The following ASXL1 variants were observed in gnomAD, a reference collection of about 807,000 sequenced individuals.
ASXL1 encodes the protein ASXL transcriptional regulator 1.
A neutral mutation model predicts 89.1 loss-of-function variants in ASXL1; 65 were observed. The observed-to-expected ratio is 0.73, with a 90% confidence interval of 0.60 to 0.90. ASXL1 has a LOEUF of 0.90. ASXL1 is among the 40% of genes least tolerant of loss of function. The probability of loss-of-function intolerance (pLI) is 0.00; values close to 1 mark genes in which losing one functional copy is unlikely to be tolerated. For synonymous variants in ASXL1, 739 were observed against 746.9 expected (o/e 0.99, Z 0.17); for missense variants, 1,786 against 1,942.9 (o/e 0.92, Z 1.52).
At chr20:32,383,810 A>G (rs1317760000) in intron 4 of ASXL1, among the ~76,000 whole-genome samples, 1 of 152,234 alleles carries the variant, frequency 6.6e-6, no homozygotes, top group Non-Finnish European at 1.5e-5. Context: ...ATGGAACTGC[A>G]GAATATAAGT....
At chr20:32,413,367 A>G (rs1051015303) in intron 4 of ASXL1, among the ~76,000 whole-genome samples, 5 of 152,152 alleles carry the variant, frequency 3.3e-5, no homozygotes, top group Non-Finnish European at 7.3e-5. Flanking sequence ...TACTCTGAGT[A>G]TAACCTTTTA....
chr20:32,421,156 A>C (rs1020080221), intron 4 of ASXL1, among the ~76,000 whole-genome samples: 1 of 151,970 alleles, frequency 6.6e-6, no homozygotes, highest in Non-Finnish European at 1.5e-5. Flanking sequence ...TAATAGGTGC[A>C]GCAAACCACC....
At chr20:32,362,489 A>G (rs2048132616) in intron 1 of ASXL1, among the ~76,000 whole-genome samples, 1 of 151,980 alleles carries the variant, frequency 6.6e-6, no homozygotes, top group African/African-American at 2.4e-5. Context: ...ACAAAAAATT[A>G]GCCAGGCGTG....
intron 4 of ASXL1, among the ~76,000 whole-genome samples, chr20:32,409,614 C>T (rs2049011277): frequency 6.6e-6 from 1 of 152,046 alleles, no homozygotes; most frequent in African/African-American, 2.4e-5. Context: ...TGGTATACAC[C>T]TATAGTCTTA....
intron 4 of ASXL1, among the ~76,000 whole-genome samples, chr20:32,401,798 C>T (rs1331018561): frequency 6.6e-6 from 1 of 152,136 alleles, no homozygotes; most frequent in Non-Finnish European, 1.5e-5. Context: ...TCAAGTGATC[C>T]ACCCACCTTA....
At chr20:32,404,780 A>G (rs2048928080) in intron 4 of ASXL1, among the ~76,000 whole-genome samples, 2 of 152,230 alleles carry the variant, frequency 1.3e-5, no homozygotes, top group African/African-American at 4.8e-5. Context: ...GACATTTTAT[A>G]GATGGTCTTT....
In ASXL1 at chr20:32,433,376, T is replaced by C. The variant is rs2011589370; in HGVS notation, c.1178T>C (p.Val393Ala). Residue 393 changes from valine (V) to alanine (A), a missense_variant, in exon 12 of 13, where the codon GTG (valine) becomes GCG (alanine). Physicochemically the swap from Val to Ala is moderately conservative, Grantham distance 64. Around this residue, in one of 3 missense-constraint regions of ASXL1, gnomAD observed 1,418 missense variants for 1,427.8 expected, o/e 0.99. Coordinates refer to ENST00000375687, the MANE Select transcript of ASXL1 (RefSeq NM_015338.6). ...KSGLCVPGES[V>A]RIQRGPATRQ... ...GGCTTGTGTGTCCCAGGAGAATCAGTGCGTATACAGCGTGGTCCAGCCACC... is the reference window on the plus strand; with the variant it reads ...GGCTTGTGTGTCCCAGGAGAATCAGCGCGTATACAGCGTGGTCCAGCCACC... 6 of 1,614,082 alleles carry C rather than the reference T, an allele frequency of 3.7e-6. No homozygotes were observed. Among genetic ancestry groups the C allele is most frequent in the African/African-American group, 1.3e-5 (1 of 74,986 alleles).
At chr20:32,434,112 G>A (rs912969290) in intron 12 of ASXL1, 195 bp downstream of exon 12, 2 of 847,650 alleles carry the variant, frequency 2.4e-6, no homozygotes, top group Non-Finnish European at 3.6e-6. Context: ...TGTTCACTCT[G>A]TTGAAGTTAT....
intron 4 of ASXL1, among the ~76,000 whole-genome samples, chr20:32,383,566 C>T (rs756577143): frequency 3.9e-5 from 6 of 152,298 alleles, no homozygotes; most frequent in Non-Finnish European, 8.8e-5. Flanking sequence ...CTCGGCCTCC[C>T]ACAAGTGCTG....
chr20:32,391,126 G>C (rs982043932), intron 4 of ASXL1, among the ~76,000 whole-genome samples: 3 of 151,946 alleles, frequency 2.0e-5, no homozygotes, highest in African/African-American at 7.3e-5. Context: ...CTGGCCTCAA[G>C]GAATCCTCCC....
chr20:32,430,468 G>T (rs907004132), intron 8 of ASXL1: 8 of 245,236 alleles, frequency 3.3e-5, no homozygotes, highest in Non-Finnish European at 6.3e-5. Context: ...AACCTAGTCA[G>T]TATGTTGAGT....
chr20:32,421,605 A>G (rs1004222985), intron 4 of ASXL1, among the ~76,000 whole-genome samples: 1 of 152,242 alleles, frequency 6.6e-6, no homozygotes, highest in Non-Finnish European at 1.5e-5. Context: ...GAACCTGGAA[A>G]TAACCCAAAT....
intron 4 of ASXL1, among the ~76,000 whole-genome samples, chr20:32,388,118 C>G (rs974470718): frequency 2.0e-5 from 3 of 152,154 alleles, no homozygotes; most frequent in African/African-American, 7.2e-5. Context: ...AGCTTCCTAA[C>G]TGGTCTCCTT....
chr20:32,400,812 A>C (rs1242691869), intron 4 of ASXL1, among the ~76,000 whole-genome samples: 2 of 152,232 alleles, frequency 1.3e-5, no homozygotes, highest in Admixed American at 1.3e-4. Context: ...CTCTTCAGGC[A>C]CTAAGTTTGG....
At chr20:32,427,843 A>G in intron 4 of ASXL1, 2 of 411,500 alleles carry the variant, frequency 4.9e-6, no homozygotes, top group South Asian at 4.2e-5. Flanking sequence ...CAGGGCCTTG[A>G]TTCCTGCTCC....
chr20:32,377,540 A>G (rs2048406318), intron 4 of ASXL1, among the ~76,000 whole-genome samples: 1 of 152,120 alleles, frequency 6.6e-6, no homozygotes, highest in South Asian at 2.1e-4. Flanking sequence ...AATTTTTAGC[A>G]TCTTGGAATA....
intron 4 of ASXL1, among the ~76,000 whole-genome samples, chr20:32,397,951 T>C (rs2048798778): frequency 6.6e-6 from 1 of 152,222 alleles, no homozygotes; most frequent in African/African-American, 2.4e-5. Flanking sequence ...GAATACCACA[T>C]TGCATTTAGT....
intron 4 of ASXL1, among the ~76,000 whole-genome samples, chr20:32,402,170 G>C (rs1255764276): frequency 1.3e-5 from 2 of 152,186 alleles, no homozygotes; most frequent in African/African-American, 4.8e-5. Flanking sequence ...TTGGTGAGTA[G>C]TATTCTATTC....
intron 4 of ASXL1, among the ~76,000 whole-genome samples, chr20:32,378,825 T>C (rs2048433044): frequency 6.6e-6 from 1 of 151,640 alleles, no homozygotes; most frequent in African/African-American, 2.4e-5. Context: ...AAAAACACCC[T>C]CAACTAAATA....
Sources: allele counts gnomAD v4.1 joint callset (sites outside exome capture counted in the v4.1 genomes callset), GRCh38; gene constraint gnomAD v4.1.1; regional missense constraint gnomAD v4.1.1; transcripts MANE v1.5; gene names NCBI Gene and HGNC (gene_info 2026-07-23, HGNC 2026-07-21).